Variants in KPNA3 observed in about 807,000 individuals in gnomAD.
KPNA3 encodes the protein importin subunit alpha-4.
In KPNA3, 13 loss-of-function variants were observed where a neutral mutation model predicts 73.8. The observed-to-expected ratio is 0.18, with a 90% CI of 0.11 to 0.28. The LOEUF (loss-of-function observed/expected upper bound fraction) is 0.28. Ranked by LOEUF, KPNA3 falls within the 10% of genes least tolerant of loss-of-function variation. The pLI is 1.00. For synonymous variants in KPNA3, 186 were observed against 206.9 expected, an observed-to-expected ratio of 0.90 and a Z score of 0.87; for missense variants, 360 against 618.1, an observed-to-expected ratio of 0.58 and a Z score of 4.43.
At chr13:49,764,432 A>C (rs1036222243) in intron 1 of KPNA3, among the ~76,000 whole-genome samples, 3 of 152,192 alleles carry the variant, frequency 2.0e-5, no homozygotes, top group Non-Finnish European at 4.4e-5. Flanking sequence ...TTGCACAAAA[A>C]GCTACTGCTC....
At chr13:49,721,641 A>C (rs933271134) in intron 9 of KPNA3, among the ~76,000 whole-genome samples, 3 of 152,088 alleles carry the variant, frequency 2.0e-5, no homozygotes, top group African/African-American at 7.2e-5. Context: ...AACATGGTGA[A>C]ACCCCGTCTG....
chr13:49,706,236 A>G (rs746527733), intron 13 of KPNA3, 32 bp downstream of exon 13: 1 of 1,610,332 alleles, frequency 6.2e-7, no homozygotes, highest in Admixed American at 1.7e-5. Flanking sequence ...TTAACAGATT[A>G]ACAGACACGG....
At chr13:49,733,282 G>GTTTTT (rs760449062) in intron 2 of KPNA3, among the ~76,000 whole-genome samples, 13,308 of 100,390 alleles carry the variant, frequency 0.13, 981 homozygotes, top group Non-Finnish European at 0.18. Context: ...CCACTGTGGT[G>GTTTTT]TTTTTTTTTT....
At position 49,732,797 on chromosome 13, in the gene KPNA3, A is replaced by T. The variant is rs201622923; in HGVS notation, c.205-21T>A. The T allele has an allele frequency of 8.2e-5, 125 of 1,517,006 alleles. 1 individual carries two copies. Among genetic ancestry groups the T allele is most frequent in the East Asian group, 2.3e-5 (1 of 44,236 alleles). 94.0% of individuals were successfully genotyped at this position (1,517,006 alleles called of 1,614,324 possible). A position where few individuals can be genotyped will look rare whatever the true frequency, so the allele number is the denominator to read the frequency against. On this transcript the variant is annotated intron_variant, in intron 3 of 16. Transcript: ENST00000261667. ...TTTTGCTTAAAAAGAAAAAAAAAAT[A>T]GTTCAGCAGAGTTTATTAACAAAAT...
intron 1 of KPNA3, among the ~76,000 whole-genome samples, chr13:49,756,005 C>T (rs746503976): frequency 6.6e-6 from 1 of 152,184 alleles, no homozygotes; most frequent in Non-Finnish European, 1.5e-5. Context: ...TGGTGGCTCA[C>T]ATCTGTAATC....
At chr13:49,788,597 T>C (rs1168085550) in intron 1 of KPNA3, among the ~76,000 whole-genome samples, 1 of 152,024 alleles carries the variant, frequency 6.6e-6, no homozygotes, top group Non-Finnish European at 1.5e-5. Flanking sequence ...CATGTGCCTG[T>C]AGTCCCAGCT....
At position 49,740,754 on chromosome 13, in the gene KPNA3, C is replaced by T. The variant is rs80328448; in HGVS notation, c.114+6195G>A. 2.8e-3 allele frequency among the ~76,000 whole-genome samples: 425 copies of T among 152,210 alleles called. 2 individuals carry two copies. Among genetic ancestry groups the T allele is most frequent in the African/African-American group, 9.3e-3 (387 of 41,538 alleles). On this transcript the variant is annotated intron_variant, in intron 2 of 16. Transcript: ENST00000261667. ...TACAGTAAAGGTCTTGAACTTATCC[C>T]TCCTATCTAACTGAAATTTTTTATA...
chr13:49,782,801 G>A (rs1184260372), intron 1 of KPNA3, among the ~76,000 whole-genome samples: 2 of 151,902 alleles, frequency 1.3e-5, no homozygotes, highest in South Asian at 2.1e-4. Flanking sequence ...AGTTAAGGAT[G>A]CAGTGAGCCG....
chr13:49,773,590 G>C (rs950769700), intron 1 of KPNA3, among the ~76,000 whole-genome samples: 3 of 152,038 alleles, frequency 2.0e-5, no homozygotes, highest in Non-Finnish European at 4.4e-5. Context: ...ACCTTCAAGA[G>C]TGTTATAAAT....
rs776843781 is a variant in KPNA3, at chr13:49,722,559, T to C, written c.474A>G (p.Ala158=). 1 of 1,600,360 alleles carries C rather than the reference T, an allele frequency of 6.2e-7. No individual in the cohort carries two copies. The highest frequency in any genetic ancestry group is 8.5e-7 in the Non-Finnish European group (1 of 1,170,072). The change falls in exon 8 of 17, where the codon GCA becomes GCG. Residue 158 remains alanine (A), a synonymous_variant. Coordinates refer to ENST00000261667, the MANE Select transcript of KPNA3 (RefSeq NM_002267.4). ...AQTQAVVQSN[A]VPLFLRLLRS... ...GAAGAAGTCTCAGAAAAAGAGGTAC[T>C]GCATCTGTAATAAAGAAAAACTAAT...
chr13:49,705,900 C>T, intron 14 of KPNA3, 117 bp from the exon 15 acceptor site: 2 of 1,046,976 alleles, frequency 1.9e-6, no homozygotes, highest in Middle Eastern at 6.1e-4. Context: ...GAGTTGGAGG[C>T]TGTAGTGCGT....
At chr13:49,761,584 A>C (rs377519087) in intron 1 of KPNA3, among the ~76,000 whole-genome samples, 41 of 144,452 alleles carry the variant, frequency 2.8e-4, no homozygotes, top group African/African-American at 9.8e-4. Flanking sequence ...GATCTCGGCT[A>C]GCTACAACCT....
chr13:49,780,266 G>A (rs1258371197), intron 1 of KPNA3, among the ~76,000 whole-genome samples: 3 of 152,100 alleles, frequency 2.0e-5, no homozygotes, highest in East Asian at 3.9e-4. Context: ...CTGCTTTTGC[G>A]CTCAAGACAC....
chr13:49,739,976 T>C (rs768711020), intron 2 of KPNA3, among the ~76,000 whole-genome samples: 1 of 152,118 alleles, frequency 6.6e-6, no homozygotes, highest in African/African-American at 2.4e-5. Flanking sequence ...CACAGCTGAG[T>C]GCAGTGGCTC....
At chr13:49,768,760 G>A (rs1207086634) in intron 1 of KPNA3, among the ~76,000 whole-genome samples, 2 of 152,004 alleles carry the variant, frequency 1.3e-5, no homozygotes, top group Non-Finnish European at 2.9e-5. Flanking sequence ...ACACATACAT[G>A]TACTACACAT....
intron 9 of KPNA3, 80 bp from the exon 10 acceptor site, chr13:49,719,899 G>T: frequency 2.2e-6 from 2 of 900,178 alleles, no homozygotes; most frequent in South Asian, 2.9e-5. Context: ...CATAAAAAGC[G>T]GTAAATATGG....
Position 49,702,419 on chromosome 13 carries a change from A to G in KPNA3, c.1434T>C (p.Phe478=), listed in dbSNP as rs759919857. Residue 478 remains phenylalanine (F), a synonymous_variant, in exon 16 of 17, where the codon TTT becomes TTC. Transcript: ENST00000261667. ...CAGAGAAATACTGATCTATGATTTCAAATGCTAATTTATATATGTCTTCAT... is the reference window on the plus strand; with the variant it reads ...CAGAGAAATACTGATCTATGATTTCGAATGCTAATTTATATATGTCTTCAT... The part of the protein sequence containing the change: ...HENEDIYKLA[F]EIIDQYFSGD... The G allele has an allele frequency of 3.9e-6, 6 of 1,546,800 alleles. No homozygotes were observed. The East Asian group carries it at 1.4e-4, about 35-fold the overall frequency.
rs1954937507 is a variant in KPNA3, at chr13:49,781,116, TA to T, written c.69+11321del. Among the ~76,000 whole-genome samples the T allele has an allele frequency of 3.9e-5, 6 of 152,370 alleles. No individual in the cohort carries two copies. The South Asian group carries it at 1.2e-3, about 32-fold the overall frequency. On this transcript the variant is annotated intron_variant, in intron 1 of 16. Transcript: ENST00000261667. The stretch of plus-strand genomic sequence containing the variant: ...TACCATAAATACCTACACATTTTTC[TA>T]CTTTCAGCTCAGGCACAATCACCTC...
intron 1 of KPNA3, among the ~76,000 whole-genome samples, chr13:49,782,966 A>T (rs1954953383): frequency 6.6e-6 from 1 of 152,174 alleles, no homozygotes; most frequent in Non-Finnish European, 1.5e-5. Context: ...ACCACAAGTA[A>T]ATATGCTGAC....
Sources: allele counts gnomAD v4.1 joint callset (sites outside exome capture counted in the v4.1 genomes callset), GRCh38; gene constraint gnomAD v4.1.1; transcripts MANE v1.5; gene names NCBI Gene and HGNC (gene_info 2026-07-23, HGNC 2026-07-21).